The following OGFOD2 variants were observed in gnomAD, a reference collection of about 807,000 sequenced individuals.
The protein encoded by OGFOD2 is 2-oxoglutarate and iron-dependent oxygenase domain-containing protein 2.
OGFOD2 carries 34 observed loss-of-function variants against 31.1 expected under a neutral mutation model. The ratio of observed to expected loss-of-function variants is 1.09; its 90% CI spans 0.83 to 1.45. The LOEUF (loss-of-function observed/expected upper bound fraction) is 1.45. OGFOD2 is among the 40% of genes most tolerant of loss of function. OGFOD2 has a pLI of 0.00. For missense variants in OGFOD2, 537 were observed against 433.9 expected (o/e 1.24, Z -2.11); for synonymous variants, 240 against 192.3 (o/e 1.25, Z -2.05).
At position 122,978,664 on chromosome 12, in the gene OGFOD2, AAAG is replaced by A. The variant is rs1332262227; in HGVS notation, c.532-85_532-83del. The A allele has an allele frequency of 1.3e-5, 21 of 1,586,794 alleles. No homozygotes were observed. In the Middle Eastern group the frequency reaches 5.5e-4, roughly 42 times the overall value. Reference sequence around the variant, plus strand: ...AGATGGGCTGCCTGCCCGGGCTGCGAAAGAAGGTCACAGTGGGATCACCGTGGA... The same window carrying A: ...AGATGGGCTGCCTGCCCGGGCTGCGAAAGGTCACAGTGGGATCACCGTGGA... On this transcript the variant is annotated intron_variant, in intron 5 of 6. Transcript: ENST00000228922.
chr12:122,979,181 C>A, exon 7 of OGFOD2: 1 of 1,611,816 alleles, frequency 6.2e-7, no homozygotes, highest in Non-Finnish European at 8.5e-7. Flanking sequence ...GGCCCTTGGG[C>A]ACTGGTGAGC....
At chr12:122,977,900 T>C (rs942509664) in intron 4 of OGFOD2, 3 of 157,366 alleles carry the variant, frequency 1.9e-5, no homozygotes, top group Non-Finnish European at 4.2e-5. Context: ...GTGGGCACAC[T>C]AGCCCTGCAC....
rs531239117 is a variant in OGFOD2, at chr12:122,979,030, G to A, written c.789+20G>A. 8.7e-6 allele frequency: 14 copies of A among 1,608,778 alleles called. No individual in the cohort carries two copies. The highest frequency in any genetic ancestry group is 2.7e-5 in the African/African-American group (2 of 74,942). On this transcript the variant is annotated intron_variant, in intron 6 of 6. Transcript: ENST00000228922. ...TTCCAGGTGAGTGTGTGACCCATGC[G>A]GCAGGGCCTGGGGCAGCTGTGAGTG...
chr12:122,978,712 G>A, intron 5 of OGFOD2, 41 bp from the exon 6 acceptor site: 1 of 1,593,494 alleles, frequency 6.3e-7, no homozygotes, highest in Non-Finnish European at 8.6e-7. Flanking sequence ...CAGGGTTGCA[G>A]CCCTCTAGTT....
At chr12:122,979,637 G>A (rs2037555659) in exon 7 of OGFOD2, 1 of 472,176 alleles carries the variant, frequency 2.1e-6, no homozygotes, top group Non-Finnish European at 3.9e-6. Context: ...GAGAGCTCCA[G>A]GCAGAGCCCA....
At chr12:122,975,661 G>A (rs1270821034) in intron 1 of OGFOD2, 150 bp from the exon 2 acceptor site, 5 of 633,446 alleles carry the variant, frequency 7.9e-6, no homozygotes, top group Middle Eastern at 2.5e-4. Flanking sequence ...GCCCTGTCCT[G>A]AGCTTGACAG....
chr12:122,978,940 A>G, exon 6 of OGFOD2: 8 of 1,613,230 alleles, frequency 5.0e-6, no homozygotes, highest in Non-Finnish European at 6.8e-6. Flanking sequence ...GATAATGCCG[A>G]GCTCACCCTC....
rs1192573255 is a variant in OGFOD2, at chr12:122,976,973, G to A, written c.403+3G>A. 1.2e-6 allele frequency: 2 copies of A among 1,613,028 alleles called. No homozygotes were observed. Among genetic ancestry groups the A allele is most frequent in the South Asian group, 2.2e-5 (2 of 91,074 alleles). ...CCAGCGGCTGGAGACAGTATCGGGT[G>A]AGGTCCTGGCCCTGAGACCTGGCAG... On this transcript the variant is annotated splice_donor_region_variant and intron_variant, in intron 4 of 6. Coordinates refer to ENST00000228922, the Ensembl canonical transcript of OGFOD2.
chr12:122,978,751 A>G lies in OGFOD2; in HGVS notation c.532-2A>G, dbSNP rs746154446. On this transcript the variant is annotated splice_acceptor_variant, in intron 5 of 6. Coordinates refer to ENST00000228922, the Ensembl canonical transcript of OGFOD2. LOFTEE classifies it high-confidence loss of function. The stretch of plus-strand genomic sequence containing the variant: ...TTGCTGACCCCAGGAATCCCCTCCC[A>G]GGTGCTGCTGCACGAGCTCGGGCTG... 5 of 1,606,816 alleles carry G rather than the reference A, an allele frequency of 3.1e-6. No individual in the cohort carries two copies. In the African/African-American group the frequency reaches 5.3e-5, roughly 17 times the overall value.
exon 5 of OGFOD2, chr12:122,978,519 G>A (rs765669043): frequency 3.7e-6 from 6 of 1,613,344 alleles, no homozygotes; most frequent in Admixed American, 1.7e-5. Context: ...GGAGCACTTC[G>A]AGCAATCGGA....
At chr12:122,975,286 G>T in exon 1 of OGFOD2, 1 of 694,302 alleles carries the variant, frequency 1.4e-6, no homozygotes, top group East Asian at 2.7e-5. Context: ...CACTTCTGCC[G>T]CTGCGCCTGC....
Position 122,978,468 on chromosome 12 carries a change from GT to G in OGFOD2, c.434del (p.Phe145SerfsTer29), listed in dbSNP as rs756460484. The G allele has an allele frequency of 6.2e-7, 1 of 1,613,618 alleles. No homozygotes were observed. The highest frequency in any genetic ancestry group is 1.7e-5 in the Admixed American group (1 of 60,030). On this transcript the variant is annotated frameshift_variant, in exon 5 of 7. Coordinates refer to ENST00000228922, the Ensembl canonical transcript of OGFOD2. LOFTEE classifies it high-confidence loss of function. The stretch of plus-strand genomic sequence containing the variant: ...GGAGAAGCGCATCTACCGGGTGCCT[GT>G]TTTCACAGCGCCCTTCTGCCAGGCC...
rs752795543 is a variant in OGFOD2 at position 122,976,907 on chromosome 12, G to T, written c.340G>T (p.Glu114Ter). 6.2e-7 allele frequency: 1 copy of T among 1,612,444 alleles called. No individual in the cohort carries two copies. Among genetic ancestry groups the T allele is most frequent in the Non-Finnish European group, 8.5e-7 (1 of 1,178,946 alleles). Residue 114 changes from glutamate (E) to a stop codon, truncating the protein, a stop_gained, in exon 4 of 7, where the codon GAG becomes TAG. Coordinates refer to ENST00000228922, the Ensembl canonical transcript of OGFOD2. LOFTEE classifies it high-confidence loss of function. ...GGCCCCCGAGTTCCTGGCCGTGACT[G>T]AGTACAGCGTGTCCCCAGACGCAGA...
chr12:122,975,372 G>T, exon 1 of OGFOD2: 1 of 700,560 alleles, frequency 1.4e-6, no homozygotes, highest in Non-Finnish European at 2.6e-6. Flanking sequence ...GCTGCGCCGG[G>T]ACTACGGCCC....
rs973718323 is a variant in OGFOD2, at chr12:122,979,895, G to C, written c.*549G>C. 6 of 274,584 alleles carry C rather than the reference G, an allele frequency of 2.2e-5. No homozygotes were observed. The Admixed American group carries it at 3.2e-4, about 14-fold the overall frequency. 17.0% of individuals were successfully genotyped at this position (274,584 alleles called of 1,614,324 possible). ...GGCAGGGCCAGGAACCAGGCTGCCCGGGTTCCCATTCTGCTTCTGCCACTT... is the reference window on the plus strand; with the variant it reads ...GGCAGGGCCAGGAACCAGGCTGCCCCGGTTCCCATTCTGCTTCTGCCACTT... On this transcript the variant is annotated 3_prime_UTR_variant, in exon 7 of 7. Coordinates refer to ENST00000228922, the Ensembl canonical transcript of OGFOD2.
upstream of OGFOD2, chr12:122,975,066 C>G: frequency 2.1e-6 from 1 of 471,192 alleles, no homozygotes; most frequent in South Asian, 3.8e-5. Context: ...ACGAGGAGGC[C>G]GCCGGTCCCA....
intron 4 of OGFOD2, 31 bp from the exon 5 acceptor site, chr12:122,978,384 CCAGGCCTGGCCGGCCCACGGCCACATT>C: frequency 6.2e-7 from 1 of 1,600,252 alleles, no homozygotes. Flanking sequence ...AGACTGAAGC[CCAGGCCTGGCCGGCCCACGGCCACATT>C]CAGGCCAACA....
At chr12:122,978,779 C>T (rs759262946) in exon 6 of OGFOD2, 59 of 1,601,068 alleles carry the variant, frequency 3.7e-5, no homozygotes, top group Middle Eastern at 2.0e-4. Flanking sequence ...TCGGGCTGGA[C>T]GAGCCGCTGA....
exon 7 of OGFOD2, chr12:122,979,227 G>A: frequency 6.2e-7 from 1 of 1,612,710 alleles, no homozygotes; most frequent in Non-Finnish European, 8.5e-7. Flanking sequence ...AGCCTCTGCT[G>A]TGCGCAACAG....
Sources: allele counts gnomAD v4.1 joint callset, GRCh38; gene constraint gnomAD v4.1.1; transcripts MANE v1.5; gene names NCBI Gene and HGNC (gene_info 2026-07-23, HGNC 2026-07-21).